The following DIAPH2 variants were observed in gnomAD, a reference collection of about 807,000 sequenced individuals.
DIAPH2 encodes the protein diaphanous related formin 2.
In DIAPH2, 35 loss-of-function variants were observed where a neutral mutation model predicts 92.7. That is an observed-to-expected ratio of 0.38 (90% CI 0.29 to 0.50). DIAPH2 has a LOEUF of 0.50. Ranked by LOEUF, DIAPH2 falls within the 20% of genes least tolerant of loss-of-function variation. The probability of loss-of-function intolerance (pLI) is 0.94; values close to 1 mark genes in which losing one functional copy is unlikely to be tolerated. For synonymous variants in DIAPH2, 301 were observed against 280.4 expected (o/e 1.07, Z -0.73); for missense variants, 701 against 819.5 (o/e 0.86, Z 1.77).
chrX:97,469,849 C>A, intron 26 of DIAPH2: 1 of 1,125,239 alleles, frequency 8.9e-7, no homozygotes, highest in East Asian at 3.1e-5. Flanking sequence ...TTCATTTTGT[C>A]TGGTGCTCTT....
chrX:97,595,430 G>T (rs1371046783), intron 26 of DIAPH2, among the ~76,000 whole-genome samples: 5 of 111,851 alleles, frequency 4.5e-5, no homozygotes, highest in Non-Finnish European at 9.4e-5. Flanking sequence ...TGTTTGAGCT[G>T]GTTAACCTGA....
intron 23 of DIAPH2, among the ~76,000 whole-genome samples, chrX:97,292,534 C>A (rs1364714487): frequency 9.3e-6 from 1 of 108,009 alleles, no homozygotes; most frequent in Non-Finnish European, 1.9e-5. Flanking sequence ...ACCTATGTGC[C>A]AATTTAATAC....
chrX:96,756,850 A>G (rs1390706079), intron 3 of DIAPH2, among the ~76,000 whole-genome samples: 2 of 101,842 alleles, frequency 2.0e-5, no homozygotes, highest in Non-Finnish European at 4.0e-5. Flanking sequence ...TTTGATTTGC[A>G]TTTCCCCACA....
In DIAPH2 at chrX:97,564,191, G is replaced by A. The variant is rs776308333; in HGVS notation, c.3242-35062G>A. 6.2e-5 allele frequency among the ~76,000 whole-genome samples: 7 copies of A among 112,318 alleles called. No homozygotes were observed. The South Asian group carries it at 2.6e-3, about 42-fold the overall frequency. On this transcript the variant is annotated intron_variant, in intron 26 of 26. Coordinates refer to ENST00000324765, the MANE Select transcript of DIAPH2 (RefSeq NM_006729.5). ...TCCTTTTGCCATGTGAGGACACAAT[G>A]TTCATCCATTCTACAGTGTAAGGAT... is the stretch of plus-strand genomic sequence containing the variant.
intron 21 of DIAPH2, among the ~76,000 whole-genome samples, chrX:97,133,795 T>G (rs1219562946): frequency 1.8e-5 from 2 of 112,336 alleles, no homozygotes; most frequent in African/African-American, 6.5e-5. Flanking sequence ...GGAATGAAGC[T>G]TCCTTCCTTG....
chrX:96,925,115 A>G (rs1261948459), intron 9 of DIAPH2, among the ~76,000 whole-genome samples: 1 of 110,787 alleles, frequency 9.0e-6, no homozygotes, highest in Non-Finnish European at 1.9e-5. Context: ...CACAGCTTCA[A>G]TTAACTACCA....
Position 96,773,223 on chromosome X carries a change from C to G in DIAPH2, c.447+14965C>G, listed in dbSNP as rs370304745. Among the ~76,000 whole-genome samples the G allele has an allele frequency of 6.4e-4, 68 of 106,127 alleles. 1 individual carries two copies. Among genetic ancestry groups the G allele is most frequent in the African/African-American group, 2.3e-3 (68 of 29,181 alleles). 92.2% of individuals were successfully genotyped at this position (106,127 alleles called of 115,157 possible). On this transcript the variant is annotated intron_variant, in intron 4 of 26. Transcript: ENST00000324765. ...TTGGAATGAGAAAAGCTATGTGTTA[C>G]CGGCTGAATTGTTTCCCCCCCCCTC...
chrX:97,515,342 T>G (rs953836778), intron 26 of DIAPH2, among the ~76,000 whole-genome samples: 1 of 112,811 alleles, frequency 8.9e-6, no homozygotes, highest in Admixed American at 9.3e-5. Flanking sequence ...GCTTCCTGAG[T>G]GAGGCAATGC....
chrX:97,438,842 T>C (rs1426070352), intron 26 of DIAPH2, among the ~76,000 whole-genome samples: 3 of 112,270 alleles, frequency 2.7e-5, no homozygotes, highest in African/African-American at 9.7e-5. Context: ...TTGAATGGAA[T>C]TGTCAATCAC....
intron 19 of DIAPH2, among the ~76,000 whole-genome samples, chrX:97,082,618 C>T (rs750851818): frequency 1.6e-4 from 18 of 110,852 alleles, no homozygotes; most frequent in African/African-American, 4.9e-4. Context: ...GGCGACAGAG[C>T]GAGACTCCAT....
intron 24 of DIAPH2, among the ~76,000 whole-genome samples, chrX:97,358,916 T>C (rs1403374660): frequency 8.9e-6 from 1 of 112,027 alleles, no homozygotes; most frequent in African/African-American, 3.2e-5. Context: ...CTTCTGAAAA[T>C]TTAAGTTTTA....
intron 17 of DIAPH2, among the ~76,000 whole-genome samples, chrX:97,001,593 C>T (rs2066144604): frequency 9.0e-6 from 1 of 111,207 alleles, no homozygotes; most frequent in Non-Finnish European, 1.9e-5. Flanking sequence ...TTGCAGCGAG[C>T]CTAGATCACG....
At chrX:97,121,034 T>C (rs1490055814) in intron 21 of DIAPH2, among the ~76,000 whole-genome samples, 1 of 112,246 alleles carries the variant, frequency 8.9e-6, no homozygotes, top group Non-Finnish European at 1.9e-5. Flanking sequence ...CATATGTAAG[T>C]ACACGCAAAG....
At chrX:97,382,032 A>G (rs2069554419) in intron 24 of DIAPH2, among the ~76,000 whole-genome samples, 1 of 111,601 alleles carries the variant, frequency 9.0e-6, no homozygotes, top group Admixed American at 9.5e-5. Context: ...TTACCAAATT[A>G]GAGATTTGAC....
intron 22 of DIAPH2, among the ~76,000 whole-genome samples, chrX:97,237,736 C>A (rs113404421): frequency 9.1e-6 from 1 of 110,360 alleles, no homozygotes; most frequent in Non-Finnish European, 1.9e-5. Flanking sequence ...CGCCTGCCAC[C>A]GCGCCTGGCT....
At chrX:97,550,313 C>T (rs1602663216) in intron 26 of DIAPH2, among the ~76,000 whole-genome samples, 1 of 112,222 alleles carries the variant, frequency 8.9e-6, no homozygotes, top group Admixed American at 9.4e-5. Context: ...GGGCCGGGAT[C>T]CTGCCACTGC....
At chrX:96,988,295 A>G (rs1404492462) in intron 17 of DIAPH2, among the ~76,000 whole-genome samples, 1 of 110,781 alleles carries the variant, frequency 9.0e-6, no homozygotes, top group Non-Finnish European at 1.9e-5. Flanking sequence ...TATGATGGGA[A>G]AGTACTTAGG....
chrX:97,274,705 G>A (rs2068423773), intron 23 of DIAPH2, among the ~76,000 whole-genome samples: 1 of 107,482 alleles, frequency 9.3e-6, no homozygotes, highest in African/African-American at 3.4e-5. Flanking sequence ...GATTTGGCAG[G>A]GTCATAGGAC....
chrX:97,431,944 T>A (rs2070130835), intron 26 of DIAPH2, among the ~76,000 whole-genome samples: 1 of 112,055 alleles, frequency 8.9e-6, no homozygotes, highest in African/African-American at 3.2e-5. Context: ...TTATTTTTAC[T>A]TTCTTAGGCA....
Sources: gnomAD v4.1 joint callset for allele counts (sites outside exome capture counted in the v4.1 genomes callset) on GRCh38, gnomAD v4.1.1 for gene constraint, MANE v1.5 for transcripts, NCBI Gene and HGNC (gene_info 2026-07-23, HGNC 2026-07-21) for gene names.